SMPD4: variants seen among roughly 807,000 people sequenced by gnomAD.
The protein encoded by SMPD4 is neutral sphingomyelinase 3.
SMPD4 carries 58 observed loss-of-function variants against 97.8 expected under a neutral mutation model. That is an observed-to-expected ratio of 0.59 (90% confidence interval 0.48 to 0.74). SMPD4 has a LOEUF of 0.74. SMPD4 is among the 30% of genes least tolerant of loss of function. The probability of loss-of-function intolerance (pLI) is 0.00; values close to 1 mark genes in which losing one functional copy is unlikely to be tolerated. For missense variants in SMPD4, 853 were observed against 1,080.5 expected (o/e 0.79, Z 2.95); for synonymous variants, 388 against 450.0 (o/e 0.86, Z 1.74).
At chr2:130,170,011 C>T (rs1476204500) in intron 8 of SMPD4, among the ~76,000 whole-genome samples, 1 of 148,052 alleles carries the variant, frequency 6.8e-6, no homozygotes, top group African/African-American at 2.5e-5. Context: ...GCCTGGGCAA[C>T]ACAGCGAGGC....
At chr2:130,179,355 TC>T (rs1689273876) in intron 1 of SMPD4, among the ~76,000 whole-genome samples, 1 of 152,068 alleles carries the variant, frequency 6.6e-6, no homozygotes, top group African/African-American at 2.4e-5. Context: ...TCTCCTGACC[TC>T]GTGATCCGCC....
Position 130,172,852 on chromosome 2 carries a change from C to T in SMPD4, c.389G>A (p.Ser130Asn), listed in dbSNP as rs762845957. Reference protein sequence around the residue: ...ASIQECILPDSPLYHNKVQFT... With the variant: ...ASIQECILPDNPLYHNKVQFT... ...CTGGACCTTGTTGTGGTACAGAGGACTGTCAGGGAGGATGCACTCCTGGAT... is the reference window on the plus strand; with the variant it reads ...CTGGACCTTGTTGTGGTACAGAGGATTGTCAGGGAGGATGCACTCCTGGAT... The change falls in exon 6 of 20, where the codon AGT becomes AAT. Residue 130 changes from serine to asparagine, a missense_variant. This residue lies in a region of SMPD4 where 313 missense variants were observed against 402.2 expected (regional missense o/e 0.78). Coordinates refer to ENST00000680298, the MANE Select transcript of SMPD4 (RefSeq NM_017951.5). 8.1e-6 allele frequency: 13 copies of T among 1,614,032 alleles called. No homozygotes were observed. Among genetic ancestry groups the T allele is most frequent in the Non-Finnish European group, 1.1e-5 (13 of 1,179,950 alleles).
intron 9 of SMPD4, among the ~76,000 whole-genome samples, chr2:130,164,732 GCAA>G (rs1032842994): frequency 4.2e-4 from 63 of 151,710 alleles, no homozygotes; most frequent in Non-Finnish European, 8.5e-4. Flanking sequence ...CAAAGCACAG[GCAA>G]CAAAAGGAAA....
intron 17 of SMPD4, 111 bp from the exon 18 acceptor site, chr2:130,153,561 G>A: frequency 5.1e-6 from 8 of 1,577,710 alleles, no homozygotes; most frequent in Non-Finnish European, 6.9e-6. Flanking sequence ...ATGACGCTCG[G>A]GGTGTGGGCC....
At chr2:130,167,709 C>G in intron 8 of SMPD4, 119 bp from the exon 9 acceptor site, 2 of 1,061,800 alleles carry the variant, frequency 1.9e-6, no homozygotes, top group Non-Finnish European at 2.7e-6. Flanking sequence ...ACAACTTGTT[C>G]AATAGCACAA....
chr2:130,176,604 G>A lies in SMPD4; in HGVS notation c.-12C>T, dbSNP rs1215569163. 3.3e-5 allele frequency: 54 copies of A among 1,613,544 alleles called. 1 individual carries two copies. The Admixed American group carries it at 8.3e-4, about 25-fold the overall frequency. On this transcript the variant is annotated 5_prime_UTR_variant, in exon 2 of 20. Transcript: ENST00000680298. The stretch of plus-strand genomic sequence containing the variant: ...TGAGGGAACGCCATAGCAGCCTCCA[G>A]TGGAGAGTTGAAAATGGCCTTCTTA...
intron 10 of SMPD4, among the ~76,000 whole-genome samples, chr2:130,161,496 C>T (rs1486823328): frequency 6.6e-6 from 1 of 152,186 alleles, no homozygotes; most frequent in Admixed American, 6.5e-5. Context: ...AGCGCAGCAC[C>T]CCCCTCCACA....
At chr2:130,157,987 A>G (rs940622091) in intron 11 of SMPD4, 4 of 219,982 alleles carry the variant, frequency 1.8e-5, no homozygotes, top group African/African-American at 7.0e-5. Flanking sequence ...AAAATTTTTA[A>G]AAGTTAGCTG....
chr2:130,152,943 G>A, intron 19 of SMPD4, 59 bp from the exon 20 acceptor site: 2 of 1,557,826 alleles, frequency 1.3e-6, no homozygotes, highest in Non-Finnish European at 1.7e-6. Flanking sequence ...CCTCAGGACA[G>A]CAGTACCCCA....
At chr2:130,160,508 T>C (rs1687285713) in intron 11 of SMPD4, among the ~76,000 whole-genome samples, 1 of 152,180 alleles carries the variant, frequency 6.6e-6, no homozygotes. Flanking sequence ...ATCCACACAC[T>C]TGTCATTTCT....
rs1382074027 is a variant in SMPD4 at position 130,153,156 on chromosome 2, G to A, written c.2041C>T (p.Arg681Ter). 1.4e-5 allele frequency: 22 copies of A among 1,613,682 alleles called. No individual in the cohort carries two copies. The highest frequency in any genetic ancestry group is 2.7e-5 in the African/African-American group (2 of 74,908). ...CCCTGGTACTCAATTTCAAACCTTC[G>A]CAGCCCATTGATGATCTAGAAAGCC... ...LGRYQIINGL[R>*]RFEIEYQGDP... The change falls in exon 19 of 20, where the codon CGA becomes TGA. Residue 681 changes from arginine to a stop codon, truncating the protein, a stop_gained. Coordinates refer to ENST00000680298, the MANE Select transcript of SMPD4 (RefSeq NM_017951.5). LOFTEE classifies it high-confidence loss of function.
In SMPD4 at chr2:130,176,636, C is replaced by A. The variant is rs768198298; in HGVS notation, c.-44G>T. ...GTTGAAAATGGCCTTCTTAGCAAAC[C>A]ACTGTGGAAAAACAAAGACAAAATC... On this transcript the variant is annotated splice_region_variant and 5_prime_UTR_variant, in exon 2 of 20. Transcript: ENST00000680298. The A allele has an allele frequency of 6.2e-6, 10 of 1,610,776 alleles. No individual in the cohort carries two copies. Among genetic ancestry groups the A allele is most frequent in the Admixed American group, 5.1e-5 (3 of 59,164 alleles).
intron 1 of SMPD4, among the ~76,000 whole-genome samples, chr2:130,177,509 C>T (rs1689082588): frequency 6.6e-6 from 1 of 152,016 alleles, no homozygotes; most frequent in South Asian, 2.1e-4. Flanking sequence ...ACCAGCCTGG[C>T]TAACATGGTG....
chr2:130,152,753 G>T lies in SMPD4; in HGVS notation c.2286C>A (p.Gly762=). 6.3e-7 allele frequency: 1 copy of T among 1,598,206 alleles called. No individual in the cohort carries two copies. Among genetic ancestry groups the T allele is most frequent in the South Asian group, 1.1e-5 (1 of 89,384 alleles). ...GGCTGAGCCTGGGGCCGCGGGTGTG[G>T]CCGGCCACCTGCCTCCGCCCCACAG... The part of the protein sequence containing the change: ...LSPVGRRQVA[G]HTRGPRLSLR... Residue 762 remains glycine (G), a synonymous_variant, in exon 20 of 20, where the codon GGC becomes GGA. Coordinates refer to ENST00000680298, the MANE Select transcript of SMPD4 (RefSeq NM_017951.5).
At chr2:130,166,308 C>CA (rs56226182) in intron 9 of SMPD4, among the ~76,000 whole-genome samples, 1,148 of 60,658 alleles carry the variant, frequency 0.019, 35 homozygotes, top group African/African-American at 0.031. Context: ...GACTCCATCT[C>CA]AAAAAAAAAA....
At chr2:130,154,121 A>C (rs1573660096) in intron 16 of SMPD4, 156 bp downstream of exon 16, 11 of 1,144,244 alleles carry the variant, frequency 9.6e-6, no homozygotes, top group African/African-American at 7.8e-5. Flanking sequence ...CTTCGTTATC[A>C]GGAAAAAATT....
Position 130,164,491 on chromosome 2 carries a change from C to T in SMPD4, c.793-46G>A, listed in dbSNP as rs572089027. The T allele has an allele frequency of 4.0e-6, 6 of 1,496,376 alleles. No individual in the cohort carries two copies. The South Asian group carries it at 6.8e-5, about 17-fold the overall frequency. 92.7% of individuals were successfully genotyped at this position (1,496,376 alleles called of 1,614,324 possible). ...GTCAAACCATTCTTGACAATGGTGTCAGACCATCCAGTGGGGAAAGGACAG... is the reference window on the plus strand; with the variant it reads ...GTCAAACCATTCTTGACAATGGTGTTAGACCATCCAGTGGGGAAAGGACAG... On this transcript the variant is annotated intron_variant, in intron 9 of 19. Coordinates refer to ENST00000680298, the MANE Select transcript of SMPD4 (RefSeq NM_017951.5).
chr2:130,165,400 T>C (rs1242870187), intron 9 of SMPD4, among the ~76,000 whole-genome samples: 1 of 146,384 alleles, frequency 6.8e-6, no homozygotes, highest in African/African-American at 2.6e-5. Context: ...CACTCCAACC[T>C]GGGCAACAAG....
Position 130,161,244 on chromosome 2 carries a change from A to G in SMPD4, c.893T>C (p.Val298Ala). ...KLEVLHYRLS[V>A]SSALYSPAQP... ...GGCGGGGCTGTAGAGGGCGCTGGAG[A>G]CACTGAGTCGGTAGTGCAGAACCTC... is the stretch of plus-strand genomic sequence containing the variant. Residue 298 changes from valine to alanine, a missense_variant, in exon 11 of 20, where the codon GTC (valine) becomes GCC (alanine). This residue lies in a region of SMPD4 where 313 missense variants were observed against 402.2 expected (regional missense o/e 0.78). Transcript: ENST00000680298. The G allele has an allele frequency of 6.2e-7, 1 of 1,613,984 alleles. No individual in the cohort carries two copies.
Sources: gnomAD v4.1 joint callset for allele counts (sites outside exome capture counted in the v4.1 genomes callset) on GRCh38, gnomAD v4.1.1 for gene constraint, gnomAD v4.1.1 regional missense constraint, MANE v1.5 for transcripts, NCBI Gene and HGNC (gene_info 2026-07-23, HGNC 2026-07-21) for gene names.